STRADB: variants seen among roughly 807,000 people sequenced by gnomAD.
The protein encoded by STRADB is STE20 related adaptor beta, also known as STE20-related kinase adapter protein beta.
A neutral mutation model predicts 52.1 loss-of-function variants in STRADB; 34 were observed. That is an observed-to-expected ratio of 0.65 (90% CI 0.50 to 0.87). The LOEUF (loss-of-function observed/expected upper bound fraction) is 0.87, where lower values mean the gene tolerates loss of function less well. Ranked by LOEUF, STRADB falls within the 40% of genes least tolerant of loss-of-function variation. STRADB has a pLI of 0.00. For missense variants in STRADB, 340 were observed against 483.9 expected (o/e 0.70, Z 2.79); for synonymous variants, 133 against 174.5 (o/e 0.76, Z 1.87).
chr2:201,478,229 A>G (rs769790827), intron 9 of STRADB, 38 bp downstream of exon 9: 1 of 1,600,604 alleles, frequency 6.2e-7, no homozygotes, highest in Non-Finnish European at 8.5e-7. Context: ...CTTGCCTTTC[A>G]TAAGACTGCT....
At position 201,472,958 on chromosome 2, in the gene STRADB, G is replaced by A. The variant is rs1398868620; in HGVS notation, c.197G>A (p.Arg66Lys). 3 of 1,599,088 alleles carry A rather than the reference G, an allele frequency of 1.9e-6. No homozygotes were observed. Among genetic ancestry groups the A allele is most frequent in the Non-Finnish European group, 2.6e-6 (3 of 1,173,806 alleles). ...SHYELQVEIGRGFDNLTSVHL... is the reference protein window; with the variant it reads ...SHYELQVEIGKGFDNLTSVHL... The stretch of plus-strand genomic sequence containing the variant: ...TGAGTTTTATGTCTGATTACAGGAA[G>A]AGGATTTGACAACTTGACTTCTGTC... The change falls in exon 5 of 12, where the codon AGA (arginine) becomes AAA (lysine). Residue 66 changes from arginine (R) to lysine (K), a missense_variant. Coordinates refer to ENST00000194530, the MANE Select transcript of STRADB (RefSeq NM_018571.6).
chr2:201,454,696 T>C, intron 1 of STRADB, 50 bp from the exon 2 acceptor site: 1 of 729,988 alleles, frequency 1.4e-6, no homozygotes, highest in East Asian at 2.7e-5. Flanking sequence ...AACTGGTTCT[T>C]TAAGGAACTT....
intron 3 of STRADB, among the ~76,000 whole-genome samples, chr2:201,468,429 C>A (rs1343158540): frequency 6.6e-6 from 1 of 152,000 alleles, no homozygotes; most frequent in Non-Finnish European, 1.5e-5. Flanking sequence ...TAGTTTTCTC[C>A]CTTTTTGAAA....
At chr2:201,465,372 G>T (rs1952284887) in intron 3 of STRADB, among the ~76,000 whole-genome samples, 1 of 152,134 alleles carries the variant, frequency 6.6e-6, no homozygotes, top group Non-Finnish European at 1.5e-5. Context: ...CTGGCCCAGG[G>T]TGTGTCTAGA....
chr2:201,478,344 C>T lies in STRADB; in HGVS notation c.826-13C>T, dbSNP rs764621072. On this transcript the variant is annotated splice_polypyrimidine_tract_variant and intron_variant, in intron 9 of 11. Coordinates refer to ENST00000194530, the MANE Select transcript of STRADB (RefSeq NM_018571.6). ...GCCTGAAAAGTGTTGAAGGAAAGTTCTGTTTCTTTTAGATGCTGTTACAGA... is the reference window on the plus strand; with the variant it reads ...GCCTGAAAAGTGTTGAAGGAAAGTTTTGTTTCTTTTAGATGCTGTTACAGA... 25 of 1,612,066 alleles carry T rather than the reference C, an allele frequency of 1.6e-5. No homozygotes were observed. In the East Asian group the frequency reaches 5.1e-4, roughly 33 times the overall value.
chr2:201,470,010 T>C lies in STRADB; in HGVS notation c.151T>C (p.Cys51Arg). The change falls in exon 4 of 12, where the codon TGT becomes CGT. Residue 51 changes from cysteine to arginine, a missense_variant. Transcript: ENST00000194530. ...RPSTRASEVL[C>R]STNVSHYELQ... ...ATCCACTAGAGCCAGTGAAGTACTA[T>C]GTTCCACCAACGTTTCTCACTATGA... The C allele has an allele frequency of 6.2e-7, 1 of 1,614,146 alleles. No individual in the cohort carries two copies. Among genetic ancestry groups the C allele is most frequent in the South Asian group, 1.1e-5 (1 of 91,086 alleles).
chr2:201,477,378 C>T (rs1168314420), intron 7 of STRADB, among the ~76,000 whole-genome samples: 5 of 152,084 alleles, frequency 3.3e-5, no homozygotes, highest in Non-Finnish European at 7.4e-5. Flanking sequence ...GTTCTTAACA[C>T]GTAGCTTTCA....
chr2:201,480,741 C>G lies in STRADB; in HGVS notation c.*566C>G, dbSNP rs953185950. ...AAATATATACAGAAATTGTAATTTG[C>G]TTTTTTTTAAACAAGGGGGCTAAAG... On this transcript the variant is annotated 3_prime_UTR_variant, in exon 12 of 12. Coordinates refer to ENST00000194530, the MANE Select transcript of STRADB (RefSeq NM_018571.6). 14 of 982,054 alleles carry G rather than the reference C, an allele frequency of 1.4e-5. No individual in the cohort carries two copies. The African/African-American group carries it at 2.3e-4, about 16-fold the overall frequency. 60.8% of individuals were successfully genotyped at this position (982,054 alleles called of 1,614,324 possible).
chr2:201,466,880 A>G (rs1952312478), intron 3 of STRADB, among the ~76,000 whole-genome samples: 1 of 152,208 alleles, frequency 6.6e-6, no homozygotes, highest in Non-Finnish European at 1.5e-5. Flanking sequence ...GAGCTCCATC[A>G]TAGAAAAATA....
intron 1 of STRADB, among the ~76,000 whole-genome samples, chr2:201,452,993 C>A (rs907633409): frequency 2.6e-5 from 4 of 151,988 alleles, no homozygotes; most frequent in Non-Finnish European, 5.9e-5. Context: ...ATTCATATCT[C>A]GTGAAAGAGC....
At chr2:201,476,864 C>G (rs1952480693) in intron 7 of STRADB, among the ~76,000 whole-genome samples, 1 of 148,636 alleles carries the variant, frequency 6.7e-6, no homozygotes, top group South Asian at 2.1e-4. Context: ...CACCTGCAGT[C>G]CCAGCTACTC....
chr2:201,458,768 C>T lies in STRADB; in HGVS notation c.13-16C>T. On this transcript the variant is annotated splice_polypyrimidine_tract_variant and intron_variant, in intron 2 of 11. Coordinates refer to ENST00000194530, the MANE Select transcript of STRADB (RefSeq NM_018571.6). ...TAACTTATTTTTCACTTATATAATG[C>T]ATTTCTGACTTCCAGGATTGCTTCT... 6.2e-7 allele frequency: 1 copy of T among 1,611,130 alleles called. No homozygotes were observed. The highest frequency in any genetic ancestry group is 8.5e-7 in the Non-Finnish European group (1 of 1,177,828).
chr2:201,461,175 T>TA (rs751815021), intron 3 of STRADB, among the ~76,000 whole-genome samples: 1 of 152,062 alleles, frequency 6.6e-6, no homozygotes, highest in East Asian at 1.9e-4. Flanking sequence ...TGTCATCTTT[T>TA]AAAAAAAATT....
rs536551120 is a variant in STRADB at position 201,468,085 on chromosome 2, CTTTTTTTTTTTTTTTTTT to C, written c.94-1862_94-1845del. Among the ~76,000 whole-genome samples, 218 of 71,058 alleles carry C rather than the reference CTTTTTTTTTTTTTTTTTT, an allele frequency of 3.1e-3. 3 individuals are homozygous for C. The highest frequency in any genetic ancestry group is 4.1e-3 in the Non-Finnish European group (139 of 33,974). 46.6% of individuals were successfully genotyped at this position (71,058 alleles called of 152,430 possible). ...ATTGTGAGTCCTGCCTTTTTTTTTT[CTTTTTTTTTTTTTTTTTT>C]TTTTTGGTAATTAGCTATGCCCAAC... On this transcript the variant is annotated intron_variant, in intron 3 of 11. Coordinates refer to ENST00000194530, the MANE Select transcript of STRADB (RefSeq NM_018571.6).
chr2:201,467,395 A>T (rs1349651542), intron 3 of STRADB, among the ~76,000 whole-genome samples: 1 of 152,094 alleles, frequency 6.6e-6, no homozygotes, highest in Non-Finnish European at 1.5e-5. Flanking sequence ...CTGTAGCTCA[A>T]CTACTGTCAA....
intron 4 of STRADB, 141 bp downstream of exon 4, chr2:201,470,193 A>G (rs902315095): frequency 1.5e-6 from 1 of 651,336 alleles, no homozygotes; most frequent in African/African-American, 1.8e-5. Flanking sequence ...AAGTGGATTC[A>G]ATTAATTTAT....
rs188868611 is a variant in STRADB, at chr2:201,478,341, G to A, written c.826-16G>A. ...TTTGCCTGAAAAGTGTTGAAGGAAA[G>A]TTCTGTTTCTTTTAGATGCTGTTAC... On this transcript the variant is annotated splice_polypyrimidine_tract_variant and intron_variant, in intron 9 of 11. Coordinates refer to ENST00000194530, the MANE Select transcript of STRADB (RefSeq NM_018571.6). 5.6e-6 allele frequency: 9 copies of A among 1,612,216 alleles called. No homozygotes were observed. In the East Asian group the frequency reaches 1.8e-4, roughly 32 times the overall value.
At chr2:201,469,818 A>G (rs1269725468) in intron 3 of STRADB, 135 bp from the exon 4 acceptor site, 1 of 617,680 alleles carries the variant, frequency 1.6e-6, no homozygotes, top group East Asian at 2.7e-5. Flanking sequence ...ATCTTAAAAC[A>G]GTGTCTTAAG....
In STRADB at chr2:201,473,811, TATA is replaced by T. The variant is rs560609367; in HGVS notation, c.315+739_315+741del. The stretch of plus-strand genomic sequence containing the variant: ...TGACAGAATTGCATTTCAGGTATCT[TATA>T]ATACCATTTTTATCGTCACTAATCA... On this transcript the variant is annotated intron_variant, in intron 5 of 11. Transcript: ENST00000194530. Among the ~76,000 whole-genome samples, 393 of 152,258 alleles carry T rather than the reference TATA, an allele frequency of 2.6e-3. 3 individuals are homozygous for T. Among genetic ancestry groups the T allele is most frequent in the African/African-American group, 9.0e-3 (372 of 41,560 alleles).
Sources: gnomAD v4.1 joint callset for allele counts (sites outside exome capture counted in the v4.1 genomes callset) on GRCh38, gnomAD v4.1.1 for gene constraint, MANE v1.5 for transcripts, NCBI Gene and HGNC (gene_info 2026-07-23, HGNC 2026-07-21) for gene names.